Variants in DHRSX observed in about 807,000 individuals in gnomAD.
DHRSX encodes dehydrogenase/reductase X-linked, also known as polyprenol dehydrogenase.
In DHRSX, 31 loss-of-function variants were observed where a neutral mutation model predicts 34.0. The ratio of observed to expected loss-of-function variants is 0.91; its 90% CI spans 0.69 to 1.23. DHRSX has a LOEUF of 1.23. Among genes scored for constraint, DHRSX ranks in the 50% most tolerant of loss-of-function variants. The probability of loss-of-function intolerance (pLI) is 0.00; values close to 1 mark genes in which losing one functional copy is unlikely to be tolerated. For missense variants in DHRSX, 414 were observed against 428.1 expected, an observed-to-expected ratio of 0.97 and a Z score of 0.29; for synonymous variants, 201 against 183.8, an observed-to-expected ratio of 1.09 and a Z score of -0.76.
intron 6 of DHRSX, among the ~76,000 whole-genome samples, chrX:2,233,315 G>A (rs748616319): frequency 3.5e-4 from 53 of 151,950 alleles, no homozygotes; most frequent in African/African-American, 1.1e-3. Flanking sequence ...TACACAAGAC[G>A]GTCCTGTAAA....
intron 1 of DHRSX, among the ~76,000 whole-genome samples, chrX:2,481,906 C>A (rs1445215818): frequency 6.6e-6 from 1 of 152,136 alleles, no homozygotes; most frequent in Admixed American, 6.5e-5. Flanking sequence ...AATAGCCCAG[C>A]TGGGAAGAAA....
chrX:2,244,436 G>A (rs1422444102), intron 5 of DHRSX, among the ~76,000 whole-genome samples: 1 of 151,956 alleles, frequency 6.6e-6, no homozygotes, highest in South Asian at 2.1e-4. Context: ...TGTTATTTGC[G>A]GTGTTACATA....
chrX:2,458,913 A>G (rs181139281), intron 1 of DHRSX, among the ~76,000 whole-genome samples: 3,775 of 150,990 alleles, frequency 0.025, 76 homozygotes, highest in Admixed American at 0.048. Context: ...GCTGAGGCAG[A>G]AGGATCACTT....
Position 2,221,047 on chromosome X carries a change from G to C in DHRSX, c.987C>G (p.Thr329=), listed in dbSNP as rs779330851. 2 of 1,613,700 alleles carry C rather than the reference G, an allele frequency of 1.2e-6. No individual in the cohort carries two copies. The highest frequency in any genetic ancestry group is 2.7e-5 in the African/African-American group (2 of 74,994). The part of the protein sequence containing the change: ...SCEMTGVLDV[T]L ...GCTATCCTGAGACAGGATATCACAGGGTCACATCAAGGACCCCAGTCATCT... is the reference window on the plus strand; with the variant it reads ...GCTATCCTGAGACAGGATATCACAGCGTCACATCAAGGACCCCAGTCATCT... Residue 329 remains threonine, a synonymous_variant, in exon 7 of 7, where the codon ACC becomes ACG. Transcript: ENST00000334651.
In DHRSX at chrX:2,500,916, A is replaced by G. The variant is rs2045412330; in HGVS notation, c.10T>C (p.Leu4=). ...CGCAGGGCCGCCCGCGCCGCAGACA[A>G]TGGCGACATGGCTGCCCCGGCCGCG... MSP[L]SAARAALRVY... The change falls in exon 1 of 7, where the codon TTG becomes CTG. Residue 4 remains leucine (L), a synonymous_variant. Coordinates refer to ENST00000334651, the MANE Select transcript of DHRSX (RefSeq NM_145177.3). 9.2e-7 allele frequency: 1 copy of G among 1,088,422 alleles called. No individual in the cohort carries two copies. The highest frequency in any genetic ancestry group is 1.1e-6 in the Non-Finnish European group (1 of 896,778). 67.4% of individuals were successfully genotyped at this position (1,088,422 alleles called of 1,614,324 possible). A position where few individuals can be genotyped will look rare whatever the true frequency, so the allele number is the denominator to read the frequency against.
chrX:2,360,401 G>A (rs1335040616), intron 3 of DHRSX, among the ~76,000 whole-genome samples: 14 of 152,250 alleles, frequency 9.2e-5, no homozygotes, highest in South Asian at 2.1e-4. Flanking sequence ...TGACCAACAT[G>A]GTGAAACCCT....
intron 3 of DHRSX, among the ~76,000 whole-genome samples, chrX:2,367,890 G>C (rs1371997213): frequency 2.6e-5 from 4 of 152,086 alleles, no homozygotes; most frequent in Non-Finnish European, 5.9e-5. Flanking sequence ...TCAAACAACT[G>C]CTAAACAATG....
intron 1 of DHRSX, among the ~76,000 whole-genome samples, chrX:2,443,223 G>A (rs2044084544): frequency 6.6e-6 from 1 of 151,616 alleles, no homozygotes; most frequent in Non-Finnish European, 1.5e-5. Flanking sequence ...ATATAGACGG[G>A]GGTCTCACTG....
intron 1 of DHRSX, among the ~76,000 whole-genome samples, chrX:2,471,705 T>C (rs1443097598): frequency 6.6e-6 from 1 of 152,166 alleles, no homozygotes. Flanking sequence ...CACTCCACAG[T>C]TTCCCGGAAA....
chrX:2,265,183 C>T (rs2041433409), intron 5 of DHRSX, among the ~76,000 whole-genome samples: 1 of 113,456 alleles, frequency 8.8e-6, no homozygotes. Context: ...GGAGCACTGT[C>T]CCCAGAGCAC....
In DHRSX at chrX:2,265,769, G is replaced by T. The variant is rs754892679; in HGVS notation, c.596+971C>A. ...CCCAGAGCACCAGTGCTTGGCAGAC[G>T]CAGGGAGCACTGTCCCCAGAGCACC... On this transcript the variant is annotated intron_variant, in intron 5 of 6. Transcript: ENST00000334651. 8.0e-5 allele frequency among the ~76,000 whole-genome samples: 11 copies of T among 136,794 alleles called. No individual in the cohort carries two copies. In the South Asian group the frequency reaches 2.7e-3, roughly 34 times the overall value. 89.7% of individuals were successfully genotyped at this position (136,794 alleles called of 152,430 possible). A position where few individuals can be genotyped will look rare whatever the true frequency, so the allele number is the denominator to read the frequency against.
intron 3 of DHRSX, among the ~76,000 whole-genome samples, chrX:2,350,647 G>C: frequency 6.6e-6 from 1 of 152,294 alleles, no homozygotes; most frequent in East Asian, 1.9e-4. Flanking sequence ...CAGTTCTGCA[G>C]TCTGGGTACA....
chrX:2,490,521 G>A (rs754614337), intron 1 of DHRSX: 2 of 1,613,902 alleles, frequency 1.2e-6, no homozygotes, highest in African/African-American at 1.3e-5. Context: ...TTCTTCTCCA[G>A]GTGGTAGGAC....
chrX:2,333,259 AAC>A (rs2042504940), intron 3 of DHRSX, among the ~76,000 whole-genome samples: 1 of 152,226 alleles, frequency 6.6e-6, no homozygotes, highest in Non-Finnish European at 1.5e-5. Context: ...CATAGCTTAA[AAC>A]ACATACACAC....
chrX:2,268,140 A>G (rs1407105236), intron 4 of DHRSX, among the ~76,000 whole-genome samples: 2 of 152,164 alleles, frequency 1.3e-5, no homozygotes, highest in East Asian at 3.9e-4. Context: ...TGTGCTTGAC[A>G]TGTTCTATCT....
chrX:2,468,578 T>G lies in DHRSX; in HGVS notation c.109+32239A>C, dbSNP rs1395788984. On this transcript the variant is annotated intron_variant, in intron 1 of 6. Coordinates refer to ENST00000334651, the MANE Select transcript of DHRSX (RefSeq NM_145177.3). ...GAATGCGGCCACGGGACTACTGCCATGTACACACTGAAGACGTTCCCTAAG... is the reference window on the plus strand; with the variant it reads ...GAATGCGGCCACGGGACTACTGCCAGGTACACACTGAAGACGTTCCCTAAG... 4.0e-5 allele frequency among the ~76,000 whole-genome samples: 6 copies of G among 151,426 alleles called. No homozygotes were observed. The East Asian group carries it at 1.2e-3, about 29-fold the overall frequency.
intron 6 of DHRSX, among the ~76,000 whole-genome samples, chrX:2,241,909 C>CA (rs942856705): frequency 9.9e-5 from 15 of 151,690 alleles, no homozygotes; most frequent in East Asian, 1.9e-4. Flanking sequence ...AACTCCGTCT[C>CA]AAAAAAAACA....
chrX:2,457,371 A>C (rs1476987818), intron 1 of DHRSX, among the ~76,000 whole-genome samples: 1 of 152,004 alleles, frequency 6.6e-6, no homozygotes, highest in Non-Finnish European at 1.5e-5. Context: ...TACACACTGA[A>C]GACGTTCCCT....
chrX:2,242,495 G>C (rs1247293275), intron 6 of DHRSX, among the ~76,000 whole-genome samples: 4 of 152,268 alleles, frequency 2.6e-5, no homozygotes, highest in African/African-American at 9.6e-5. Flanking sequence ...GCTGAGACCT[G>C]CTGGGCTGCA....
Sources: gnomAD v4.1 joint callset for allele counts (sites outside exome capture counted in the v4.1 genomes callset) on GRCh38, gnomAD v4.1.1 for gene constraint, MANE v1.5 for transcripts, NCBI Gene and HGNC (gene_info 2026-07-23, HGNC 2026-07-21) for gene names.